Variants in SRSF2 observed in about 807,000 individuals in gnomAD.
SRSF2 encodes serine and arginine rich splicing factor 2.
Under a neutral mutation model 15.7 loss-of-function variants are expected in SRSF2, and 4 were observed. That is an observed-to-expected ratio of 0.26 (90% CI 0.13 to 0.58). The LOEUF is 0.58. SRSF2 is among the 20% of genes least tolerant of loss of function. SRSF2 has a pLI of 0.90. For missense variants in SRSF2, 147 were observed against 332.4 expected (o/e 0.44, Z 4.34); for synonymous variants, 192 against 138.9 (o/e 1.38, Z -2.69).
chr17:76,736,762 C>A (rs1166064473), intron 1 of SRSF2, 37 bp downstream of exon 1: 6 of 1,401,652 alleles, frequency 4.3e-6, no homozygotes, highest in Middle Eastern at 2.5e-4. Context: ...CCCGCGCGCC[C>A]CGCCCCGCCT....
rs768906412 is a variant in SRSF2, at chr17:76,736,445, T to TGCG, written c.379_381dup (p.Arg127dup). The TGCG allele has an allele frequency of 5.0e-6, 8 of 1,612,290 alleles. No individual in the cohort carries two copies. The highest frequency in any genetic ancestry group is 6.8e-6 in the Non-Finnish European group (8 of 1,179,882). ...GAACGACTCCGACTCCGGGATCGGC[T>TGCG]GCGGCGACGCCGCCTAGGGCTGCGG... On this transcript the variant is annotated inframe_insertion, in exon 2 of 3. Coordinates refer to ENST00000359995, the MANE Select transcript of SRSF2 (RefSeq NM_001195427.2).
intron 2 of SRSF2, chr17:76,735,751 C>A: frequency 2.9e-6 from 1 of 346,282 alleles, no homozygotes; most frequent in Non-Finnish European, 5.6e-6. Context: ...GATAGTGCAT[C>A]TTTAACATTT....
chr17:76,736,645 A>G (rs2143936963), intron 1 of SRSF2, 154 bp downstream of exon 1: 1 of 1,172,182 alleles, frequency 8.5e-7, no homozygotes, highest in East Asian at 3.2e-5. Flanking sequence ...CAGACGGCGG[A>G]AGCTCGCGGG....
chr17:76,735,394 A>AGAAAAAAAAAG lies in SRSF2; in HGVS notation c.*8-247_*8-237dup, dbSNP rs1445879510. ...ACCAAGGTGAAGAAAGGTAAGGGGA[A>AGAAAAAAAAAG]GAAAAAAAAAGAAAAAAAAAAGGGC... is the stretch of plus-strand genomic sequence containing the variant. On this transcript the variant is annotated intron_variant, in intron 2 of 2. Coordinates refer to ENST00000359995, the MANE Select transcript of SRSF2 (RefSeq NM_001195427.2). The AGAAAAAAAAAG allele has an allele frequency of 1.4e-5, 3 of 217,618 alleles. No individual in the cohort carries two copies. The East Asian group carries it at 2.0e-4, about 15-fold the overall frequency. 13.5% of individuals were successfully genotyped at this position (217,618 alleles called of 1,614,324 possible).
At chr17:76,736,024 CA>C in intron 2 of SRSF2, 129 bp downstream of exon 2, 1 of 942,048 alleles carries the variant, frequency 1.1e-6, no homozygotes. Context: ...GTATTACTCC[CA>C]AAGGTGAGTA....
At chr17:76,736,004 C>T in intron 2 of SRSF2, 150 bp downstream of exon 2, 1 of 743,322 alleles carries the variant, frequency 1.3e-6, no homozygotes, top group Non-Finnish European at 2.2e-6. Flanking sequence ...TCTGCAGACC[C>T]CTCTCTTCAG....
At chr17:76,735,882 A>AG (rs944769551) in intron 2 of SRSF2, 30 of 577,442 alleles carry the variant, frequency 5.2e-5, no homozygotes, top group Non-Finnish European at 7.3e-5. Flanking sequence ...GCAGCTTTAA[A>AG]GGGGGAAAAT....
rs751056961 is a variant in SRSF2 at position 76,737,243 on chromosome 17, A to T, written c.-83T>A. 4 of 1,454,376 alleles carry T rather than the reference A, an allele frequency of 2.8e-6. No homozygotes were observed. The highest frequency in any genetic ancestry group is 3.6e-6 in the Non-Finnish European group (4 of 1,097,984). 90.1% of individuals were successfully genotyped at this position (1,454,376 alleles called of 1,614,324 possible). On this transcript the variant is annotated 5_prime_UTR_variant, in exon 1 of 3. Coordinates refer to ENST00000359995, the MANE Select transcript of SRSF2 (RefSeq NM_001195427.2). ...CGGTGCGACGCCGCGCCTCTCAGGC[A>T]GTTGCCTTCCGCGTGGGGACACTGG... is the stretch of plus-strand genomic sequence containing the variant.
At chr17:76,737,358 T>C (rs2077570085), upstream of SRSF2, 4 of 633,344 alleles carry the variant, frequency 6.3e-6, no homozygotes, top group South Asian at 1.1e-4. Flanking sequence ...TCTGCGCCCG[T>C]TTATATCGCT....
rs1272808967 is a variant in SRSF2 at position 76,734,963 on chromosome 17, A to T, written c.*203T>A. On this transcript the variant is annotated 3_prime_UTR_variant, in exon 3 of 3. Coordinates refer to ENST00000359995, the MANE Select transcript of SRSF2 (RefSeq NM_001195427.2). Reference sequence around the variant, plus strand: ...TCGTTCACCTCACTAAATTACAAGAAATTTGAATAACAGCAACAAAATGGC... The same window carrying T: ...TCGTTCACCTCACTAAATTACAAGATATTTGAATAACAGCAACAAAATGGC... 4.4e-6 allele frequency: 1 copy of T among 227,074 alleles called. No individual in the cohort carries two copies. Among genetic ancestry groups the T allele is most frequent in the Non-Finnish European group, 9.0e-6 (1 of 111,620 alleles). The allele number at this position is 227,074 out of a possible 1,614,324, so 14.1% of individuals were successfully genotyped here.
chr17:76,736,721 G>A lies in SRSF2; in HGVS notation c.362+78C>T. On this transcript the variant is annotated intron_variant, in intron 1 of 2. Coordinates refer to ENST00000359995, the MANE Select transcript of SRSF2 (RefSeq NM_001195427.2). ...CGTCCGGGCCCGCACCACGTGCTTC[G>A]CCGCGGACCTTTGTGAGGTCGCCCG... The A allele has an allele frequency of 3.0e-6, 4 of 1,354,570 alleles. No homozygotes were observed. In the South Asian group the frequency reaches 5.2e-5, roughly 18 times the overall value. The allele number at this position is 1,354,570 out of a possible 1,614,324, so 83.9% of individuals were successfully genotyped here.
In SRSF2 at chr17:76,737,320, T is replaced by C; in HGVS notation, c.-160A>G. The C allele has an allele frequency of 1.9e-6, 2 of 1,039,954 alleles. No homozygotes were observed. The highest frequency in any genetic ancestry group is 2.7e-6 in the Non-Finnish European group (2 of 747,792). 64.4% of individuals were successfully genotyped at this position (1,039,954 alleles called of 1,614,324 possible). ...GACGGGCTCCGCAGGCTAGCGCACC[T>C]GAGTAACAACTGGGCGGGCAGCCGG... On this transcript the variant is annotated 5_prime_UTR_variant, in exon 1 of 3. Transcript: ENST00000359995.
rs757785320 is a variant in SRSF2, at chr17:76,737,189, G to C, written c.-29C>G. 6.6e-7 allele frequency: 1 copy of C among 1,518,674 alleles called. No individual in the cohort carries two copies. The highest frequency in any genetic ancestry group is 8.9e-7 in the Non-Finnish European group (1 of 1,127,318). The allele number at this position is 1,518,674 out of a possible 1,614,324, so 94.1% of individuals were successfully genotyped here. A position where few individuals can be genotyped will look rare whatever the true frequency, so the allele number is the denominator to read the frequency against. ...TCTGAGTGGCGGCCCGGAGCCCCGC[G>C]AACTGGCGCCGGCTTCCTCAGCTCT... On this transcript the variant is annotated 5_prime_UTR_variant, in exon 1 of 3. Coordinates refer to ENST00000359995, the MANE Select transcript of SRSF2 (RefSeq NM_001195427.2).
chr17:76,737,324 T>A lies in SRSF2; in HGVS notation c.-164A>T. On this transcript the variant is annotated 5_prime_UTR_variant, in exon 1 of 3. Transcript: ENST00000359995. ...GGCTCCGCAGGCTAGCGCACCTGAG[T>A]AACAACTGGGCGGGCAGCCGGCCTC... 2 of 916,416 alleles carry A rather than the reference T, an allele frequency of 2.2e-6. No individual in the cohort carries two copies. Among genetic ancestry groups the A allele is most frequent in the Non-Finnish European group, 3.1e-6 (2 of 638,080 alleles). The allele number at this position is 916,416 out of a possible 1,614,324, so 56.8% of individuals were successfully genotyped here.
Position 76,736,831 on chromosome 17 carries a change from G to C in SRSF2, c.330C>G (p.Tyr110Ter), listed in dbSNP as rs778651965. The C allele has an allele frequency of 6.2e-7, 1 of 1,601,228 alleles. No homozygotes were observed. Among genetic ancestry groups the C allele is most frequent in the African/African-American group, 1.3e-5 (1 of 74,824 alleles). ...TCCGGCGTCCGTAGCCACCGCCCCC[G>C]TACCTGCGGGGTGGCGGTCCCCGGC... is the stretch of plus-strand genomic sequence containing the variant. ...HSRRGPPPRR[Y>*]GGGGYGRRSR... Residue 110 changes from tyrosine (Y) to a stop codon, truncating the protein, a stop_gained, in exon 1 of 3, where the codon TAC (tyrosine) becomes TAG (stop). Coordinates refer to ENST00000359995, the MANE Select transcript of SRSF2 (RefSeq NM_001195427.2). LOFTEE classifies it high-confidence loss of function.
chr17:76,736,592 T>C (rs976027453), intron 1 of SRSF2, 128 bp from the exon 2 acceptor site: 1 of 1,212,782 alleles, frequency 8.2e-7, no homozygotes, highest in East Asian at 2.9e-5. Context: ...CGAGGCGGGG[T>C]CCTCCGCCCC....
At chr17:76,736,710 C>T in intron 1 of SRSF2, 89 bp downstream of exon 1, 1 of 1,343,210 alleles carries the variant, frequency 7.4e-7, no homozygotes, top group South Asian at 1.8e-5. Flanking sequence ...CGGGCCCGCA[C>T]CACGTGCTTC....
upstream of SRSF2, chr17:76,737,401 T>G: frequency 2.1e-6 from 1 of 470,712 alleles, no homozygotes; most frequent in South Asian, 4.0e-5. Context: ...CACCCGGAAA[T>G]GAAACCTTCT....
In SRSF2 at chr17:76,734,995, A is replaced by G. The variant is rs946066405; in HGVS notation, c.*171T>C. ...ATAACAGCAACAAAATGGCACATAA[A>G]ATGAAGTTTGCCAACTGAGGCAAAG... On this transcript the variant is annotated 3_prime_UTR_variant, in exon 3 of 3. Transcript: ENST00000359995. 1 of 223,676 alleles carries G rather than the reference A, an allele frequency of 4.5e-6. No individual in the cohort carries two copies. Among genetic ancestry groups the G allele is most frequent in the Middle Eastern group, 1.4e-3 (1 of 740 alleles). 13.9% of individuals were successfully genotyped at this position (223,676 alleles called of 1,614,324 possible).
Sources: gnomAD v4.1 joint callset for allele counts on GRCh38, gnomAD v4.1.1 for gene constraint, MANE v1.5 for transcripts, NCBI Gene and HGNC (gene_info 2026-07-23, HGNC 2026-07-21) for gene names.